FBXO25: variants seen among roughly 807,000 people sequenced by gnomAD.
The protein encoded by FBXO25 is F-box protein 25, also known as F-box only protein 25.
Under a neutral mutation model 51.9 loss-of-function variants are expected in FBXO25, and 45 were observed. The observed-to-expected ratio is 0.87, with a 90% CI of 0.68 to 1.11. The LOEUF (loss-of-function observed/expected upper bound fraction) is 1.11. Ranked by LOEUF, FBXO25 falls within the 50% of genes most tolerant of loss-of-function variation. The probability of loss-of-function intolerance (pLI) is 0.00; values close to 1 mark genes in which losing one functional copy is unlikely to be tolerated. For synonymous variants in FBXO25, 199 were observed against 151.0 expected, an observed-to-expected ratio of 1.32 and a Z score of -2.33; for missense variants, 507 against 428.5, an observed-to-expected ratio of 1.18 and a Z score of -1.62.
rs1411550314 is a variant in FBXO25 at position 473,818 on chromosome 8, A to G, written c.*5014A>G. The G allele has an allele frequency of 6.6e-6, 1 of 152,224 alleles. No individual in the cohort carries two copies. Among genetic ancestry groups the G allele is most frequent in the Non-Finnish European group, 1.5e-5 (1 of 68,044 alleles). 9.4% of individuals were successfully genotyped at this position (152,224 alleles called of 1,614,324 possible). The stretch of plus-strand genomic sequence containing the variant: ...GACACCTCAACTGTCTCGTTTTTGC[A>G]TGGAAATTTCATTTTTATTTGATAA... On this transcript the variant is annotated 3_prime_UTR_variant, in exon 10 of 10. Transcript: ENST00000350302.
chr8:466,628 G>C (rs543650722), intron 9 of FBXO25, among the ~76,000 whole-genome samples: 1 of 152,310 alleles, frequency 6.6e-6, no homozygotes, highest in African/African-American at 2.4e-5. Context: ...TCTCAGGTCT[G>C]CATCTGGTAT....
chr8:462,955 A>G (rs373724603), intron 8 of FBXO25, 52 bp from the exon 9 acceptor site: 6 of 1,558,950 alleles, frequency 3.8e-6, no homozygotes, highest in Non-Finnish European at 5.2e-6. Flanking sequence ...ACCTAATATT[A>G]TGTTTTGAAA....
chr8:470,192 G>A lies in FBXO25; in HGVS notation c.*1388G>A, dbSNP rs1052282355. The A allele has an allele frequency of 6.6e-6, 1 of 152,014 alleles. No individual in the cohort carries two copies. The highest frequency in any genetic ancestry group is 1.5e-5 in the Non-Finnish European group (1 of 68,012). The allele number at this position is 152,014 out of a possible 1,614,324, so 9.4% of individuals were successfully genotyped here. A position where few individuals can be genotyped will look rare whatever the true frequency, so the allele number is the denominator to read the frequency against. ...ACAGGCTTTTTCATCACAACATATT[G>A]GGGTTCCTGAGTGTCTCGCCGTTAG... On this transcript the variant is annotated 3_prime_UTR_variant, in exon 10 of 10. Coordinates refer to ENST00000350302, the MANE Select transcript of FBXO25 (RefSeq NM_183420.2).
intron 1 of FBXO25, among the ~76,000 whole-genome samples, chr8:412,834 A>C (rs1176531926): frequency 6.6e-6 from 1 of 152,174 alleles, no homozygotes; most frequent in African/African-American, 2.4e-5. Flanking sequence ...ACCTCTGGTA[A>C]ACCTTTCATG....
chr8:457,281 A>G (rs1372984649), intron 7 of FBXO25, among the ~76,000 whole-genome samples: 2 of 152,176 alleles, frequency 1.3e-5, no homozygotes, highest in African/African-American at 4.8e-5. Flanking sequence ...ATTTATTTAG[A>G]TACAACTGAG....
At chr8:435,821 T>A in intron 5 of FBXO25, 114 bp downstream of exon 5, 3 of 1,441,462 alleles carry the variant, frequency 2.1e-6, no homozygotes, top group Non-Finnish European at 2.8e-6. Context: ...TGTGCCTGTT[T>A]GCTGCGTATT....
chr8:441,305 C>G (rs1238475897), intron 5 of FBXO25, among the ~76,000 whole-genome samples: 2 of 152,156 alleles, frequency 1.3e-5, no homozygotes, highest in African/African-American at 4.8e-5. Flanking sequence ...GAAAAACTGG[C>G]TAGCCATATG....
At chr8:412,273 G>T (rs1455605438) in intron 1 of FBXO25, among the ~76,000 whole-genome samples, 2 of 151,904 alleles carry the variant, frequency 1.3e-5, no homozygotes, top group African/African-American at 4.8e-5. Context: ...CAGATCCAGG[G>T]GCTACAAAAC....
chr8:418,739 A>G (rs1158576772), intron 2 of FBXO25, among the ~76,000 whole-genome samples: 1 of 152,162 alleles, frequency 6.6e-6, no homozygotes, highest in East Asian at 1.9e-4. Context: ...AATTTACAAA[A>G]CACTAGGATG....
chr8:440,140 G>A (rs534101889), intron 5 of FBXO25, among the ~76,000 whole-genome samples: 5 of 152,266 alleles, frequency 3.3e-5, no homozygotes, highest in South Asian at 2.1e-4. Context: ...CCACACAGCC[G>A]TTGTTGGAAT....
rs570044437 is a variant in FBXO25 at position 460,831 on chromosome 8, T to G, written c.844-2176T>G. 3.1e-3 allele frequency among the ~76,000 whole-genome samples: 468 copies of G among 152,344 alleles called. 1 individual carries two copies. Among genetic ancestry groups the G allele is most frequent in the African/African-American group, 0.011 (451 of 41,582 alleles). On this transcript the variant is annotated intron_variant, in intron 8 of 9. Transcript: ENST00000350302. ...GAACAGGCTGATAACGACTTTTTAT[T>G]TTGCAAGTAGTCTTCTTTTCAAATT... is the stretch of plus-strand genomic sequence containing the variant.
At chr8:415,868 C>A (rs557100111) in intron 2 of FBXO25, among the ~76,000 whole-genome samples, 1 of 152,256 alleles carries the variant, frequency 6.6e-6, no homozygotes, top group South Asian at 2.1e-4. Context: ...AATTTCTAAC[C>A]TTTTCCATCA....
intron 2 of FBXO25, among the ~76,000 whole-genome samples, chr8:418,688 C>A (rs1212480756): frequency 2.0e-5 from 3 of 152,044 alleles, no homozygotes; most frequent in Non-Finnish European, 2.9e-5. Flanking sequence ...TTATATTTCC[C>A]CTGTTTACAC....
intron 5 of FBXO25, among the ~76,000 whole-genome samples, chr8:447,359 C>T (rs1482264378): frequency 6.6e-6 from 1 of 152,116 alleles, no homozygotes; most frequent in African/African-American, 2.4e-5. Context: ...CCTAGGAAGT[C>T]CCACCTCACT....
chr8:411,092 T>G (rs747973891), intron 1 of FBXO25, among the ~76,000 whole-genome samples: 83 of 152,244 alleles, frequency 5.5e-4, no homozygotes, highest in Non-Finnish European at 1.9e-4. Flanking sequence ...TTCTCCATGA[T>G]GTAAATATTC....
intron 2 of FBXO25, chr8:420,584 G>C (rs557253085): frequency 1.3e-5 from 2 of 152,332 alleles, no homozygotes; most frequent in Non-Finnish European, 2.9e-5. Context: ...ATCTCTACAG[G>C]AGAATACCAC....
chr8:410,476 A>T (rs891688036), intron 1 of FBXO25, among the ~76,000 whole-genome samples: 1 of 151,882 alleles, frequency 6.6e-6, no homozygotes, highest in African/African-American at 2.4e-5. Context: ...TCAAGTTGAT[A>T]TTGAGAGATA....
intron 5 of FBXO25, among the ~76,000 whole-genome samples, chr8:449,192 A>G (rs1002268496): frequency 1.3e-5 from 2 of 152,258 alleles, no homozygotes; most frequent in African/African-American, 4.8e-5. Flanking sequence ...AAGAATGAAA[A>G]GATACACTAG....
chr8:425,429 A>C (rs1230119095), intron 2 of FBXO25, among the ~76,000 whole-genome samples: 3 of 147,956 alleles, frequency 2.0e-5, no homozygotes, highest in Non-Finnish European at 3.0e-5. Flanking sequence ...TCAGATACCT[A>C]GTGGTTTGTT....
Sources: allele counts gnomAD v4.1 joint callset (sites outside exome capture counted in the v4.1 genomes callset), GRCh38; gene constraint gnomAD v4.1.1; transcripts MANE v1.5; gene names NCBI Gene and HGNC (gene_info 2026-07-23, HGNC 2026-07-21).